Variants in HS6ST3 observed in about 807,000 individuals in gnomAD.
HS6ST3 encodes the protein heparan-sulfate 6-O-sulfotransferase 3.
In HS6ST3, 12 loss-of-function variants were observed where a neutral mutation model predicts 36.7. The observed-to-expected ratio is 0.33, with a 90% CI of 0.21 to 0.53. HS6ST3 has a LOEUF of 0.53. Ranked by LOEUF, HS6ST3 falls within the 20% of genes least tolerant of loss-of-function variation. HS6ST3 has a pLI of 0.95. For synonymous variants in HS6ST3, 240 were observed against 257.5 expected, an observed-to-expected ratio of 0.93 and a Z score of 0.65; for missense variants, 584 against 640.9, an observed-to-expected ratio of 0.91 and a Z score of 0.96.
chr13:96,700,977 A>G (rs1875270998), intron 1 of HS6ST3, among the ~76,000 whole-genome samples: 1 of 152,210 alleles, frequency 6.6e-6, no homozygotes, highest in South Asian at 2.1e-4. Context: ...GCAACATCCC[A>G]GTTAGTGAAG....
chr13:96,599,349 C>T (rs1246903263), intron 1 of HS6ST3, among the ~76,000 whole-genome samples: 2 of 151,950 alleles, frequency 1.3e-5, no homozygotes. Context: ...ATTTCTATTT[C>T]TTCCTGATTC....
chr13:96,709,757 G>A (rs1875516839), intron 1 of HS6ST3, among the ~76,000 whole-genome samples: 1 of 152,194 alleles, frequency 6.6e-6, no homozygotes, highest in East Asian at 1.9e-4. Context: ...CCCCCAGGCT[G>A]TGGTAGTTTG....
intron 1 of HS6ST3, among the ~76,000 whole-genome samples, chr13:96,679,887 G>T (rs1386552147): frequency 1.3e-5 from 2 of 152,164 alleles, no homozygotes; most frequent in African/African-American, 4.8e-5. Context: ...CCGGTCTTAA[G>T]AGCATTATTC....
At chr13:96,633,620 A>G (rs2056539384) in intron 1 of HS6ST3, among the ~76,000 whole-genome samples, 1 of 152,124 alleles carries the variant, frequency 6.6e-6, no homozygotes, top group Non-Finnish European at 1.5e-5. Flanking sequence ...GATGTTTCCA[A>G]TGTTCATCAA....
chr13:96,774,048 G>A (rs1566450394), intron 1 of HS6ST3, among the ~76,000 whole-genome samples: 1 of 152,170 alleles, frequency 6.6e-6, no homozygotes, highest in Non-Finnish European at 1.5e-5. Flanking sequence ...GGTCTGGAGT[G>A]GACCTCCGGC....
At chr13:96,803,620 G>A (rs989418122) in intron 1 of HS6ST3, among the ~76,000 whole-genome samples, 7 of 152,170 alleles carry the variant, frequency 4.6e-5, no homozygotes, top group Non-Finnish European at 1.0e-4. Context: ...TTGGAACTCA[G>A]TATATCCTGG....
At chr13:96,815,802 GT>G (rs1278973260) in intron 1 of HS6ST3, among the ~76,000 whole-genome samples, 1 of 152,114 alleles carries the variant, frequency 6.6e-6, no homozygotes, top group Non-Finnish European at 1.5e-5. Flanking sequence ...AGTTATTTAA[GT>G]TTTTTAAGGT....
intron 1 of HS6ST3, among the ~76,000 whole-genome samples, chr13:96,481,011 A>G (rs2055887820): frequency 6.6e-6 from 1 of 152,224 alleles, no homozygotes; most frequent in Non-Finnish European, 1.5e-5. Context: ...ATTAATCACA[A>G]AAATATTTTC....
At position 96,355,405 on chromosome 13, in the gene HS6ST3, A is replaced by ACACACACG. The variant is rs1316496204; in HGVS notation, c.707+263842_707+263843insCGCACACA. 3.8e-3 allele frequency among the ~76,000 whole-genome samples: 520 copies of ACACACACG among 137,170 alleles called. 1 individual carries two copies. Among genetic ancestry groups the ACACACACG allele is most frequent in the Non-Finnish European group, 5.5e-3 (352 of 64,340 alleles). 90.0% of individuals were successfully genotyped at this position (137,170 alleles called of 152,430 possible). On this transcript the variant is annotated intron_variant, in intron 1 of 1. Coordinates refer to ENST00000376705, the MANE Select transcript of HS6ST3 (RefSeq NM_153456.4). ...CACACACACACACACACACACACAA[A>ACACACACG]CACACAAACACACACACACAGAGGC...
intron 1 of HS6ST3, among the ~76,000 whole-genome samples, chr13:96,663,524 G>A (rs932709556): frequency 8.5e-5 from 13 of 152,152 alleles, no homozygotes; most frequent in Non-Finnish European, 1.9e-4. Context: ...ATAACATGGA[G>A]AAACTGAAAC....
intron 1 of HS6ST3, among the ~76,000 whole-genome samples, chr13:96,136,972 C>A (rs930631829): frequency 5.9e-5 from 9 of 152,042 alleles, no homozygotes; most frequent in Admixed American, 5.2e-4. Context: ...GAATTGGAAT[C>A]ATTTTAGAGC....
intron 1 of HS6ST3, among the ~76,000 whole-genome samples, chr13:96,167,106 G>A (rs1687895820): frequency 6.6e-6 from 1 of 152,076 alleles, no homozygotes; most frequent in South Asian, 2.1e-4. Flanking sequence ...AGCAGTGTGA[G>A]AACAGACTAA....
intron 1 of HS6ST3, among the ~76,000 whole-genome samples, chr13:96,810,122 T>G (rs1346836104): frequency 2.6e-5 from 4 of 152,136 alleles, no homozygotes; most frequent in Non-Finnish European, 5.9e-5. Flanking sequence ...GAATGTGGTT[T>G]AGACCCAGAG....
chr13:96,528,431 A>G (rs182847259), intron 1 of HS6ST3, among the ~76,000 whole-genome samples: 8 of 152,258 alleles, frequency 5.3e-5, no homozygotes, highest in Non-Finnish European at 8.8e-5. Context: ...AAAAGTGTCA[A>G]CCTCCATGAG....
chr13:96,688,067 GT>G (rs1327281546), intron 1 of HS6ST3, among the ~76,000 whole-genome samples: 8 of 22,274 alleles, frequency 3.6e-4, no homozygotes, highest in African/African-American at 7.4e-4. Flanking sequence ...ACCGGGGCCT[GT>G]CATGGAATGG....
intron 1 of HS6ST3, among the ~76,000 whole-genome samples, chr13:96,446,344 T>A (rs1336220180): frequency 6.6e-6 from 1 of 152,188 alleles, no homozygotes; most frequent in Non-Finnish European, 1.5e-5. Context: ...TAAATTTAAT[T>A]AGCAGCATCT....
At chr13:96,642,048 TAGTATTTCTTATAGATC>T (rs1566418638) in intron 1 of HS6ST3, among the ~76,000 whole-genome samples, 1 of 151,892 alleles carries the variant, frequency 6.6e-6, no homozygotes, top group African/African-American at 2.4e-5. Flanking sequence ...GGACTCCCTT[TAGTATTTCTTATAGATC>T]ATGAAAGAAA....
chr13:96,511,269 A>G (rs564835286), intron 1 of HS6ST3, among the ~76,000 whole-genome samples: 8 of 152,276 alleles, frequency 5.3e-5, no homozygotes, highest in African/African-American at 1.9e-4. Flanking sequence ...AGGAATTTAT[A>G]CCTAGAGGTT....
chr13:96,175,305 G>A (rs1404797278), intron 1 of HS6ST3, among the ~76,000 whole-genome samples: 4 of 152,032 alleles, frequency 2.6e-5, no homozygotes, highest in South Asian at 2.1e-4. Context: ...CTTTCCCATC[G>A]TCTGATGTTG....
Sources: allele counts gnomAD v4.1 joint callset (sites outside exome capture counted in the v4.1 genomes callset), GRCh38; gene constraint gnomAD v4.1.1; transcripts MANE v1.5; gene names NCBI Gene and HGNC (gene_info 2026-07-23, HGNC 2026-07-21).